The following LAYN variants were observed in gnomAD, a reference collection of about 807,000 sequenced individuals.
LAYN encodes the protein layilin.
Under a neutral mutation model 43.6 loss-of-function variants are expected in LAYN, and 38 were observed. The ratio of observed to expected loss-of-function variants is 0.87; its 90% CI spans 0.67 to 1.14. LAYN has a LOEUF of 1.14. LAYN is among the 50% of genes most tolerant of loss of function. LAYN has a pLI of 0.00. For missense variants in LAYN, 479 were observed against 463.8 expected (o/e 1.03, Z -0.30); for synonymous variants, 168 against 172.9 (o/e 0.97, Z 0.22).
Position 111,557,550 on chromosome 11 carries a change from T to C in LAYN, c.668T>C (p.Leu223Ser). 1 of 1,613,850 alleles carries C rather than the reference T, an allele frequency of 6.2e-7. No individual in the cohort carries two copies. The part of the protein sequence containing the change: ...KTFKESREAA[L>S]NLAYILIPSI... ...CTTTCTTTCTTTTCAGAAGCTGCCT[T>C]GAATCTGGCCTACATCCTAATCCCC... The change falls in exon 6 of 7, where the codon TTG becomes TCG. Residue 223 changes from leucine to serine, a missense_variant. Transcript: ENST00000375614.
upstream of LAYN, chr11:111,540,405 G>C (rs1006194205): frequency 1.1e-4 from 21 of 186,368 alleles, no homozygotes; most frequent in South Asian, 2.1e-3. Context: ...AAGGTCAGCG[G>C]GAGAGGAGGG....
chr11:111,560,724 G>T lies in LAYN; in HGVS notation c.*266G>T. 1 of 401,742 alleles carries T rather than the reference G, an allele frequency of 2.5e-6. No homozygotes were observed. The highest frequency in any genetic ancestry group is 4.5e-6 in the Non-Finnish European group (1 of 222,068). The allele number at this position is 401,742 out of a possible 1,614,324, so 24.9% of individuals were successfully genotyped here. ...GAGTCTCAATAAATGTCACTTGGTTGGTTGTATCTAACTTTTAAGGGACAG... is the reference window on the plus strand; with the variant it reads ...GAGTCTCAATAAATGTCACTTGGTTTGTTGTATCTAACTTTTAAGGGACAG... On this transcript the variant is annotated 3_prime_UTR_variant, in exon 7 of 7. Coordinates refer to ENST00000375614, the MANE Select transcript of LAYN (RefSeq NM_178834.5).
chr11:111,549,617 G>A lies in LAYN; in HGVS notation c.384-1G>A. The A allele has an allele frequency of 6.5e-7, 1 of 1,541,166 alleles. No homozygotes were observed. Reference sequence around the variant, plus strand: ...CTCTACTGCTGATCCCTTCCCTACAGGAACTGGTATGTGGATGAGCCATCC... The same window carrying A: ...CTCTACTGCTGATCCCTTCCCTACAAGAACTGGTATGTGGATGAGCCATCC... On this transcript the variant is annotated splice_acceptor_variant, in intron 2 of 6. Coordinates refer to ENST00000375614, the MANE Select transcript of LAYN (RefSeq NM_178834.5). LOFTEE classifies it high-confidence loss of function.
At chr11:111,541,060 C>T (rs916048482) in intron 1 of LAYN, 132 bp downstream of exon 1, 6 of 813,636 alleles carry the variant, frequency 7.4e-6, no homozygotes, top group South Asian at 3.5e-5. Flanking sequence ...AGACGCAGCC[C>T]TTCGGAGTCT....
Position 111,560,310 on chromosome 11 carries a change from T to A in LAYN, c.977T>A (p.Met326Lys). 2 of 1,614,150 alleles carry A rather than the reference T, an allele frequency of 1.2e-6. No individual in the cohort carries two copies. Among genetic ancestry groups the A allele is most frequent in the Non-Finnish European group, 8.5e-7 (1 of 1,180,020 alleles). ...GACATGTCTTGTGACTATGACAACA[T>A]GGCTGTGAACCCATCAGAAAGTGGG... ...PDDMSCDYDN[M>K]AVNPSESGFV... The change falls in exon 7 of 7, where the codon ATG becomes AAG. Residue 326 changes from methionine to lysine, a missense_variant. Physicochemically the swap from Met to Lys is moderately conservative, Grantham distance 95 (BLOSUM62 -1). Transcript: ENST00000375614.
In LAYN at chr11:111,549,790, C is replaced by T. The variant is rs1867711134; in HGVS notation, c.541+15C>T. 8 of 1,594,100 alleles carry T rather than the reference C, an allele frequency of 5.0e-6. No homozygotes were observed. Among genetic ancestry groups the T allele is most frequent in the South Asian group, 2.3e-5 (2 of 86,548 alleles). On this transcript the variant is annotated intron_variant, in intron 3 of 6. Transcript: ENST00000375614. ...ATATTCTGATGGTAATGAATCCTCT[C>T]CCAAGCTATGCGGCTGAATTCTCAA...
chr11:111,547,088 C>T (rs934596335), intron 2 of LAYN, among the ~76,000 whole-genome samples: 10 of 152,202 alleles, frequency 6.6e-5, no homozygotes, highest in African/African-American at 2.4e-4. Flanking sequence ...GGTTTATGGG[C>T]CAGAGCAATA....
intron 3 of LAYN, among the ~76,000 whole-genome samples, chr11:111,550,242 C>G (rs1384346924): frequency 1.3e-5 from 2 of 152,224 alleles, no homozygotes; most frequent in Non-Finnish European, 2.9e-5. Context: ...ACTGCACTTT[C>G]ACTGGGCAGA....
intron 2 of LAYN, among the ~76,000 whole-genome samples, chr11:111,545,739 C>G (rs1867638648): frequency 6.6e-6 from 1 of 152,186 alleles, no homozygotes; most frequent in Non-Finnish European, 1.5e-5. Flanking sequence ...AGCACAAATT[C>G]CTACGTGGGT....
chr11:111,552,663 G>A (rs115379113), intron 3 of LAYN, among the ~76,000 whole-genome samples: 36 of 152,314 alleles, frequency 2.4e-4, no homozygotes, highest in South Asian at 6.2e-4. Context: ...ATGATGTGCC[G>A]TTTTTAACTT....
At chr11:111,557,254 T>C (rs978987367) in intron 5 of LAYN, among the ~76,000 whole-genome samples, 2 of 152,198 alleles carry the variant, frequency 1.3e-5, no homozygotes, top group African/African-American at 4.8e-5. Context: ...AAACTGATTT[T>C]CATTATCACT....
intron 2 of LAYN, among the ~76,000 whole-genome samples, chr11:111,548,853 C>T (rs116050116): frequency 2.5e-3 from 377 of 152,304 alleles, no homozygotes; most frequent in African/African-American, 8.2e-3. Flanking sequence ...CAGATGTAAA[C>T]GCTCCATAAG....
At chr11:111,541,286 G>A in intron 1 of LAYN, 5 of 601,730 alleles carry the variant, frequency 8.3e-6, no homozygotes, top group Non-Finnish European at 1.5e-5. Context: ...CAGTCCTTGG[G>A]ACCACCCCCG....
intron 1 of LAYN, chr11:111,541,320 C>T (rs953553246): frequency 8.3e-6 from 5 of 605,624 alleles, no homozygotes; most frequent in African/African-American, 3.7e-5. Context: ...CCAGCTGGCC[C>T]CCGCCTACCG....
At chr11:111,541,084 G>A (rs956891367) in intron 1 of LAYN, among the ~76,000 whole-genome samples, 156 bp downstream of exon 1, 2 of 152,256 alleles carry the variant, frequency 1.3e-5, no homozygotes, top group Non-Finnish European at 2.9e-5. Context: ...GCGTTCTGGG[G>A]GCAGTCGCAC....
intron 2 of LAYN, among the ~76,000 whole-genome samples, chr11:111,546,623 A>G (rs1047082969): frequency 1.3e-5 from 2 of 152,232 alleles, no homozygotes; most frequent in African/African-American, 4.8e-5. Context: ...CAGCAGTGGC[A>G]GATGTCATGG....
intron 4 of LAYN, 136 bp from the exon 5 acceptor site, chr11:111,555,071 A>G: frequency 1.6e-6 from 1 of 640,554 alleles, no homozygotes; most frequent in Non-Finnish European, 2.8e-6. Flanking sequence ...TCAACCCTTT[A>G]CTTTTCTACG....
In LAYN at chr11:111,543,991, C is replaced by T. The variant is rs368995215; in HGVS notation, c.154C>T (p.Arg52Ter). 1.1e-5 allele frequency: 17 copies of T among 1,614,060 alleles called. No individual in the cohort carries two copies. The highest frequency in any genetic ancestry group is 3.3e-5 in the South Asian group (3 of 91,090). The stretch of plus-strand genomic sequence containing the variant: ...AGTCATTTACTTCCATGATACTTCT[C>T]GAAGACTGAACTTTGAGGAAGCCAA... ...YKVIYFHDTSRRLNFEEAKEA... is the reference protein window; with the variant it reads ...YKVIYFHDTS The change falls in exon 2 of 7, where the codon CGA becomes TGA. Residue 52 changes from arginine to a stop codon, truncating the protein, a stop_gained. Coordinates refer to ENST00000375614, the MANE Select transcript of LAYN (RefSeq NM_178834.5). LOFTEE classifies it high-confidence loss of function.
At chr11:111,555,159 T>A (rs1220864052) in intron 4 of LAYN, 48 bp from the exon 5 acceptor site, 6 of 1,411,102 alleles carry the variant, frequency 4.3e-6, no homozygotes, top group Non-Finnish European at 6.0e-6. Flanking sequence ...AAAGAATACC[T>A]GAATTATGCC....
Sources: allele counts gnomAD v4.1 joint callset (sites outside exome capture counted in the v4.1 genomes callset), GRCh38; gene constraint gnomAD v4.1.1; transcripts MANE v1.5; gene names NCBI Gene and HGNC (gene_info 2026-07-23, HGNC 2026-07-21).